The following RNF130 variants were observed in gnomAD, a reference collection of about 807,000 sequenced individuals.
RNF130 encodes the protein E3 ubiquitin-protein ligase RNF130.
In RNF130, 21 loss-of-function variants were observed where a neutral mutation model predicts 44.6. The observed-to-expected ratio is 0.47, with a 90% CI of 0.33 to 0.68. RNF130 has a LOEUF of 0.68. Among genes scored for constraint, RNF130 ranks in the 30% least tolerant of loss-of-function variants. The probability of loss-of-function intolerance (pLI) is 0.02; values close to 1 mark genes in which losing one functional copy is unlikely to be tolerated. For synonymous variants in RNF130, 214 were observed against 210.4 expected (o/e 1.02, Z -0.15); for missense variants, 479 against 560.6 (o/e 0.85, Z 1.47).
chr5:179,969,718 G>A (rs1004080901), intron 6 of RNF130, among the ~76,000 whole-genome samples: 2 of 152,216 alleles, frequency 1.3e-5, no homozygotes, highest in African/African-American at 4.8e-5. Context: ...GGCCAGGCAC[G>A]GTGGCTCACG....
chr5:179,965,384 G>A (rs1255860138), intron 7 of RNF130, among the ~76,000 whole-genome samples: 1 of 152,162 alleles, frequency 6.6e-6, no homozygotes, highest in Non-Finnish European at 1.5e-5. Context: ...AATCACGTGG[G>A]TTTTATTTAT....
At chr5:179,924,286 G>GGA (rs1309890204) in intron 7 of RNF130, among the ~76,000 whole-genome samples, 1 of 149,236 alleles carries the variant, frequency 6.7e-6, no homozygotes, top group African/African-American at 2.5e-5. Context: ...ACCTGAGGTT[G>GGA]GGAGTGCGAG....
chr5:179,963,606 G>A (rs1762378409), intron 7 of RNF130, 42 bp from the exon 8 acceptor site: 2 of 1,398,448 alleles, frequency 1.4e-6, no homozygotes, highest in Non-Finnish European at 2.0e-6. Context: ...TGGGGAGAAG[G>A]TTTAAGTCAA....
In RNF130 at chr5:179,966,921, G is replaced by C. The variant is rs1762464790; in HGVS notation, c.1035C>G (p.Asp345Glu). ...GGCCAAGGGAGTTGTCGCCGGCGAG[G>C]TCGCCGAGGGCTGATCTTCGGTTAA... Reference protein sequence around the residue: ...QAVNRRSALGDLAGDNSLGLE... With the variant: ...QAVNRRSALGELAGDNSLGLE... Residue 345 changes from aspartate to glutamate, a missense_variant, in exon 7 of 9, where the codon GAC (aspartate) becomes GAG (glutamate). By Grantham distance (45) the Asp-to-Glu change is conservative (BLOSUM62 2). Coordinates refer to ENST00000521389, the MANE Select transcript of RNF130 (RefSeq NM_018434.6). The C allele has an allele frequency of 1.2e-6, 2 of 1,614,262 alleles. No individual in the cohort carries two copies. Among genetic ancestry groups the C allele is most frequent in the Admixed American group, 1.7e-5 (1 of 60,034 alleles).
intron 1 of RNF130, among the ~76,000 whole-genome samples, chr5:180,047,282 A>G (rs1008641723): frequency 6.6e-6 from 1 of 152,126 alleles, no homozygotes; most frequent in African/African-American, 2.4e-5. Flanking sequence ...TTCTGTTATC[A>G]ATTTCTTAAT....
intron 5 of RNF130, among the ~76,000 whole-genome samples, chr5:179,971,734 T>C (rs897618614): frequency 2.0e-5 from 3 of 152,218 alleles, no homozygotes; most frequent in Admixed American, 1.3e-4. Flanking sequence ...ACAACTTTGA[T>C]TGTCAATTTC....
At chr5:179,935,005 A>G (rs1412084875) in intron 7 of RNF130, among the ~76,000 whole-genome samples, 1 of 152,180 alleles carries the variant, frequency 6.6e-6, no homozygotes, top group Non-Finnish European at 1.5e-5. Flanking sequence ...TCCCTCTAGC[A>G]TGGCTTTAGC....
intron 1 of RNF130, among the ~76,000 whole-genome samples, chr5:180,064,150 A>G (rs1207652527): frequency 6.6e-6 from 1 of 152,232 alleles, no homozygotes; most frequent in Non-Finnish European, 1.5e-5. Flanking sequence ...AATAAAATCA[A>G]TTTAACAGTA....
intron 2 of RNF130, among the ~76,000 whole-genome samples, chr5:180,029,698 C>T (rs998353812): frequency 1.3e-5 from 2 of 152,114 alleles, no homozygotes; most frequent in Non-Finnish European, 2.9e-5. Flanking sequence ...TGCTACCACG[C>T]CCAGCTCATT....
downstream of RNF130, among the ~76,000 whole-genome samples, chr5:179,953,305 CTT>C (rs546197845): frequency 8.5e-5 from 12 of 141,606 alleles, no homozygotes; most frequent in Non-Finnish European, 9.3e-5. Context: ...AAAATCCTAG[CTT>C]TTTTTTTTTT....
At chr5:180,070,610 T>TG (rs1453913606) in intron 1 of RNF130, among the ~76,000 whole-genome samples, 1 of 152,194 alleles carries the variant, frequency 6.6e-6, no homozygotes, top group Non-Finnish European at 1.5e-5. Flanking sequence ...GTGGGGATAA[T>TG]GGCAGATATC....
At position 179,966,705 on chromosome 5, in the gene RNF130, C is replaced by G. The variant is rs888832178; in HGVS notation, c.1150+101G>C. The G allele has an allele frequency of 7.3e-6, 7 of 963,078 alleles. No individual in the cohort carries two copies. In the Admixed American group the frequency reaches 1.6e-4, roughly 22 times the overall value. The allele number at this position is 963,078 out of a possible 1,614,324, so 59.7% of individuals were successfully genotyped here. On this transcript the variant is annotated intron_variant, in intron 7 of 8. Transcript: ENST00000521389. ...CACACATCACTTTCTTGGTTACAGTCTGTGTTGCAGGCTGAGGCGAGTGCC... is the reference window on the plus strand; with the variant it reads ...CACACATCACTTTCTTGGTTACAGTGTGTGTTGCAGGCTGAGGCGAGTGCC...
At chr5:179,965,575 C>T (rs1295829513) in intron 7 of RNF130, among the ~76,000 whole-genome samples, 2 of 152,214 alleles carry the variant, frequency 1.3e-5, no homozygotes, top group African/African-American at 4.8e-5. Context: ...GAAAAACTCA[C>T]TAATAAACCA....
intron 3 of RNF130, among the ~76,000 whole-genome samples, chr5:179,997,937 G>C (rs1169439318): frequency 6.6e-6 from 1 of 151,834 alleles, no homozygotes; most frequent in Non-Finnish European, 1.5e-5. Flanking sequence ...TGCCTCCTGG[G>C]TTCAAGCAAT....
intron 4 of RNF130, among the ~76,000 whole-genome samples, chr5:179,979,435 C>A (rs1762782349): frequency 6.6e-6 from 1 of 151,802 alleles, no homozygotes; most frequent in Admixed American, 6.6e-5. Context: ...TCCTTCCAGG[C>A]ACAAGTCTGT....
At chr5:179,957,408 T>C (rs939230346) in intron 8 of RNF130, among the ~76,000 whole-genome samples, 7 of 152,140 alleles carry the variant, frequency 4.6e-5, no homozygotes, top group African/African-American at 1.7e-4. Context: ...CGAGACCCTG[T>C]CTCAAATAAA....
intron 3 of RNF130, among the ~76,000 whole-genome samples, chr5:179,993,544 AT>A (rs1763137268): frequency 6.6e-6 from 1 of 152,132 alleles, no homozygotes; most frequent in Non-Finnish European, 1.5e-5. Flanking sequence ...GTCTGTCTGT[AT>A]CCTTTGCCCA....
At chr5:180,003,726 C>T (rs146856384) in intron 3 of RNF130, among the ~76,000 whole-genome samples, 84 of 152,228 alleles carry the variant, frequency 5.5e-4, no homozygotes, top group Non-Finnish European at 8.4e-4. Context: ...TATTTGCATC[C>T]GGCTAACTCT....
chr5:180,015,380 T>C (rs1177339324), intron 2 of RNF130: 1 of 532,768 alleles, frequency 1.9e-6, no homozygotes, highest in Admixed American at 1.9e-5. Context: ...CATTGCTTTA[T>C]AATCACACCA....
Sources: allele counts gnomAD v4.1 joint callset (sites outside exome capture counted in the v4.1 genomes callset), GRCh38; gene constraint gnomAD v4.1.1; transcripts MANE v1.5; gene names NCBI Gene and HGNC (gene_info 2026-07-23, HGNC 2026-07-21).